Variants in TMEFF1 observed in about 807,000 individuals in gnomAD.
TMEFF1 encodes tomoregulin-1.
A neutral mutation model predicts 47.5 loss-of-function variants in TMEFF1; 20 were observed. The ratio of observed to expected loss-of-function variants is 0.42; its 90% confidence interval spans 0.30 to 0.61. The LOEUF is 0.61. Ranked by LOEUF, TMEFF1 falls within the 20% of genes least tolerant of loss-of-function variation. TMEFF1 has a pLI of 0.19. For missense variants in TMEFF1, 411 were observed against 471.1 expected (o/e 0.87, Z 1.18); for synonymous variants, 162 against 166.3 (o/e 0.97, Z 0.20).
At chr9:100,538,961 C>G (rs1392886220) in intron 5 of TMEFF1, among the ~76,000 whole-genome samples, 2 of 151,844 alleles carry the variant, frequency 1.3e-5, no homozygotes, top group Non-Finnish European at 2.9e-5. Context: ...CTGGAGTGCA[C>G]TGGCTCAATC....
At chr9:100,526,953 TACA>T (rs1225785510) in intron 5 of TMEFF1, among the ~76,000 whole-genome samples, 115 of 4,078 alleles carry the variant, frequency 0.028, no homozygotes, top group African/African-American at 0.075. Flanking sequence ...CTGCTAAAAA[TACA>T]AAAAAAAAAA....
intron 7 of TMEFF1, among the ~76,000 whole-genome samples, chr9:100,557,526 G>A (rs1455434109): frequency 6.6e-6 from 1 of 152,058 alleles, no homozygotes; most frequent in African/African-American, 2.4e-5. Flanking sequence ...GGTTGCTACT[G>A]TTTATTCTTG....
At chr9:100,497,653 A>T (rs1564010675) in intron 1 of TMEFF1, among the ~76,000 whole-genome samples, 1 of 152,116 alleles carries the variant, frequency 6.6e-6, no homozygotes. Flanking sequence ...TATCACTAGG[A>T]CAGTTGTCAC....
chr9:100,491,853 A>G (rs76966979), intron 1 of TMEFF1, among the ~76,000 whole-genome samples: 3,324 of 151,710 alleles, frequency 0.022, 101 homozygotes, highest in African/African-American at 0.076. Flanking sequence ...AAGAGGGCCT[A>G]TAATTTTTCT....
At chr9:100,529,942 C>G (rs899508864) in intron 5 of TMEFF1, among the ~76,000 whole-genome samples, 9 of 152,120 alleles carry the variant, frequency 5.9e-5, no homozygotes, top group African/African-American at 2.2e-4. Context: ...AAGAATCTCA[C>G]TCAAAACCGA....
At chr9:100,535,198 T>C (rs72735162) in intron 5 of TMEFF1, among the ~76,000 whole-genome samples, 3 of 152,316 alleles carry the variant, frequency 2.0e-5, no homozygotes, top group Non-Finnish European at 2.9e-5. Flanking sequence ...TGAGCTGTAC[T>C]TTTTTCCCCC....
intron 8 of TMEFF1, among the ~76,000 whole-genome samples, chr9:100,564,723 A>C (rs1839089377): frequency 6.6e-6 from 1 of 152,222 alleles, no homozygotes. Context: ...TTTAAGTAGC[A>C]ATGATGAGAT....
At position 100,498,772 on chromosome 9, in the gene TMEFF1, T is replaced by C; in HGVS notation, c.204T>C (p.Asn68=). 1 of 1,612,248 alleles carries C rather than the reference T, an allele frequency of 6.2e-7. No homozygotes were observed. The highest frequency in any genetic ancestry group is 8.5e-7 in the Non-Finnish European group (1 of 1,179,566). Residue 68 remains asparagine (N), a synonymous_variant, in exon 2 of 10, where the codon AAT becomes AAC. Coordinates refer to ENST00000374879, the MANE Select transcript of TMEFF1 (RefSeq NM_003692.5). ...KGKSINCSEL[N]VRESDVRVCD... ...AATTTTTTTCTTTTGCAGAATTAAA[T>C]GTGAGGGAGTCTGACGTAAGAGTTT...
intron 1 of TMEFF1, among the ~76,000 whole-genome samples, chr9:100,490,055 G>A (rs553660967): frequency 6.6e-6 from 1 of 152,134 alleles, no homozygotes; most frequent in East Asian, 1.9e-4. Context: ...AGGAGTGGGG[G>A]TGGAGGATTG....
At chr9:100,535,461 A>G (rs1838485161) in intron 5 of TMEFF1, among the ~76,000 whole-genome samples, 1 of 152,144 alleles carries the variant, frequency 6.6e-6, no homozygotes, top group African/African-American at 2.4e-5. Context: ...TTCCTTTACT[A>G]ATAGGAATGT....
In TMEFF1 at chr9:100,577,216, T is replaced by G. The variant is rs1839367628; in HGVS notation, c.*616T>G. 1.3e-5 allele frequency: 2 copies of G among 152,744 alleles called. No individual in the cohort carries two copies. The highest frequency in any genetic ancestry group is 4.1e-4 in the South Asian group (2 of 4,820). 9.5% of individuals were successfully genotyped at this position (152,744 alleles called of 1,614,324 possible). On this transcript the variant is annotated 3_prime_UTR_variant, in exon 10 of 10. Transcript: ENST00000374879. Reference sequence around the variant, plus strand: ...AATGATGGAACAGATCAATGAAAAGTAGATATAGATATTGTGAAAATAGGC... The same window carrying G: ...AATGATGGAACAGATCAATGAAAAGGAGATATAGATATTGTGAAAATAGGC...
intron 1 of TMEFF1, among the ~76,000 whole-genome samples, chr9:100,497,263 G>A (rs549751168): frequency 7.0e-6 from 1 of 142,822 alleles, no homozygotes; most frequent in South Asian, 2.5e-4. Context: ...TTGTGAAACA[G>A]TAAGAATAAC....
At chr9:100,476,398 C>G (rs983342243) in intron 1 of TMEFF1, among the ~76,000 whole-genome samples, 8 of 151,918 alleles carry the variant, frequency 5.3e-5, no homozygotes, top group African/African-American at 1.9e-4. Flanking sequence ...TTTACTCTGT[C>G]ATGTTTTTTT....
intron 8 of TMEFF1, among the ~76,000 whole-genome samples, chr9:100,562,898 A>G (rs538737804): frequency 2.0e-4 from 30 of 152,060 alleles, no homozygotes; most frequent in African/African-American, 6.5e-4. Context: ...GCTCACTGCA[A>G]CCTCCGCCTC....
In TMEFF1 at chr9:100,547,786, T is replaced by C. The variant is rs757114977; in HGVS notation, c.603T>C (p.Pro201=). 1.9e-6 allele frequency: 3 copies of C among 1,607,358 alleles called. No individual in the cohort carries two copies. In the South Asian group the frequency reaches 3.3e-5, roughly 18 times the overall value. The change falls in exon 6 of 10, where the codon CCT becomes CCC. Residue 201 remains proline, a synonymous_variant. Coordinates refer to ENST00000374879, the MANE Select transcript of TMEFF1 (RefSeq NM_003692.5). ...NIDCSGYSFN[P]VCASDGSSYN... is the part of the protein sequence containing the mutation. ...ATTGCAGTGGATACAGTTTTAATCC[T>C]GTGTGTGCTTCTGATGGGAGTTCCT...
At chr9:100,565,233 C>T (rs1399385962) in intron 8 of TMEFF1, among the ~76,000 whole-genome samples, 1 of 152,130 alleles carries the variant, frequency 6.6e-6, no homozygotes, top group East Asian at 1.9e-4. Flanking sequence ...ATTCTTCTAT[C>T]CCACTAGCCC....
At chr9:100,497,414 C>G (rs1482426105) in intron 1 of TMEFF1, among the ~76,000 whole-genome samples, 1 of 146,192 alleles carries the variant, frequency 6.8e-6, no homozygotes, top group Non-Finnish European at 1.5e-5. Flanking sequence ...TTTTTGTAAC[C>G]CAGAAATCAT....
At chr9:100,509,599 C>T (rs567034096) in intron 3 of TMEFF1, among the ~76,000 whole-genome samples, 2 of 152,080 alleles carry the variant, frequency 1.3e-5, no homozygotes, top group South Asian at 2.1e-4. Context: ...CAGTGAAACC[C>T]CGTCTCTACT....
At chr9:100,500,890 C>A (rs898419302) in intron 2 of TMEFF1, among the ~76,000 whole-genome samples, 1 of 152,150 alleles carries the variant, frequency 6.6e-6, no homozygotes, top group Non-Finnish European at 1.5e-5. Flanking sequence ...GCAGATTCTG[C>A]CTTACTTGTG....
Sources: allele counts gnomAD v4.1 joint callset (sites outside exome capture counted in the v4.1 genomes callset), GRCh38; gene constraint gnomAD v4.1.1; transcripts MANE v1.5; gene names NCBI Gene and HGNC (gene_info 2026-07-23, HGNC 2026-07-21).